Variants in EML6 observed in about 807,000 individuals in gnomAD.
EML6 encodes the protein echinoderm microtubule-associated protein-like 6.
EML6 carries 154 observed loss-of-function variants against 240.1 expected under a neutral mutation model. The ratio of observed to expected loss-of-function variants is 0.64; its 90% CI spans 0.56 to 0.73. EML6 has a LOEUF of 0.73. Ranked by LOEUF, EML6 falls within the 30% of genes least tolerant of loss-of-function variation. The pLI, the probability that EML6 is intolerant of heterozygous loss-of-function variation, is 0.00. For synonymous variants in EML6, 1,148 were observed against 899.0 expected (o/e 1.28, Z -4.95); for missense variants, 2,964 against 2,474.6 (o/e 1.20, Z -4.20).
At chr2:54,858,895 A>C (rs750612046) in intron 11 of EML6, among the ~76,000 whole-genome samples, 1 of 152,180 alleles carries the variant, frequency 6.6e-6, no homozygotes, top group Non-Finnish European at 1.5e-5. Flanking sequence ...GAAATCTACC[A>C]TGGACTTTGG....
At chr2:54,897,113 G>A (rs568421610) in intron 21 of EML6, among the ~76,000 whole-genome samples, 1 of 152,046 alleles carries the variant, frequency 6.6e-6, no homozygotes, top group South Asian at 2.1e-4. Flanking sequence ...ATCTCCAAAT[G>A]TTTGAGAATG....
intron 14 of EML6, chr2:54,868,623 A>T: frequency 6.6e-6 from 1 of 152,290 alleles, no homozygotes; most frequent in Non-Finnish European, 1.5e-5. Context: ...TTCAGCTGGT[A>T]ATTCCATTAA....
At chr2:54,796,930 C>G (rs1028891435) in intron 2 of EML6, among the ~76,000 whole-genome samples, 3 of 151,650 alleles carry the variant, frequency 2.0e-5, no homozygotes, top group Non-Finnish European at 4.4e-5. Context: ...TTTGAGAGGC[C>G]GAGGTGGGCA....
chr2:54,963,191 C>T (rs1311200295), intron 36 of EML6, among the ~76,000 whole-genome samples: 1 of 152,184 alleles, frequency 6.6e-6, no homozygotes, highest in Non-Finnish European at 1.5e-5. Flanking sequence ...AGTGTTAAAA[C>T]AAGTACTCAA....
intron 21 of EML6, among the ~76,000 whole-genome samples, chr2:54,899,347 A>G (rs1436445816): frequency 2.0e-5 from 3 of 152,220 alleles, no homozygotes; most frequent in Non-Finnish European, 4.4e-5. Flanking sequence ...ATTTACCTGG[A>G]TGTTTCTAAA....
intron 2 of EML6, among the ~76,000 whole-genome samples, chr2:54,795,225 G>A (rs1409059774): frequency 2.6e-5 from 4 of 152,252 alleles, no homozygotes; most frequent in Admixed American, 1.3e-4. Context: ...GCATGGGTGG[G>A]GAGGCCTCAG....
intron 2 of EML6, among the ~76,000 whole-genome samples, chr2:54,785,994 G>C (rs373473709): frequency 3.9e-5 from 6 of 152,118 alleles, no homozygotes; most frequent in African/African-American, 4.8e-5. Flanking sequence ...GTTATGGCCA[G>C]GAGGAAGTGG....
In EML6 at chr2:54,863,803, A is replaced by G; in HGVS notation, c.1846A>G (p.Ser616Gly). The change falls in exon 13 of 42, where the codon AGT becomes GGT. Residue 616 changes from serine (S) to glycine (G), a missense_variant. Coordinates refer to ENST00000356458, the MANE Select transcript of EML6 (RefSeq NM_001039753.4). The part of the protein sequence containing the change: ...APQEGGADSY[S>G]EESDSDLSDV... The stretch of plus-strand genomic sequence containing the variant: ...TGCAGAAGGTGGAGCTGATTCCTAC[A>G]GTGAAGAATCTGATTCAGATTTATC... 1.9e-6 allele frequency: 3 copies of G among 1,546,196 alleles called. No individual in the cohort carries two copies. Among genetic ancestry groups the G allele is most frequent in the South Asian group, 2.4e-5 (2 of 83,252 alleles).
At chr2:54,807,866 C>G (rs1670580134) in intron 2 of EML6, among the ~76,000 whole-genome samples, 1 of 152,222 alleles carries the variant, frequency 6.6e-6, no homozygotes, top group Non-Finnish European at 1.5e-5. Context: ...AATCATGCCA[C>G]TGTATGGCTG....
At chr2:54,917,963 G>C (rs1674017946) in intron 26 of EML6, among the ~76,000 whole-genome samples, 2 of 152,164 alleles carry the variant, frequency 1.3e-5, no homozygotes, top group South Asian at 2.1e-4. Context: ...TCTTGGTTTT[G>C]AGTTTTACAC....
In EML6 at chr2:54,916,764, G is replaced by A; in HGVS notation, c.3504G>A (p.Glu1168=). 6.7e-7 allele frequency: 1 copy of A among 1,489,726 alleles called. No individual in the cohort carries two copies. Among genetic ancestry groups the A allele is most frequent in the South Asian group, 1.3e-5 (1 of 75,552 alleles). 92.3% of individuals were successfully genotyped at this position (1,489,726 alleles called of 1,614,324 possible). A position where few individuals can be genotyped will look rare whatever the true frequency, so the allele number is the denominator to read the frequency against. ...KRHIIRPSEI[E]KIEWDTWTCV... is the part of the protein sequence containing the mutation. ...TCTCTTTCGTTCTTTTTCAGATCGA[G>A]AAGATAGAGTGGGACACATGGACCT... Residue 1168 remains glutamate (E), a synonymous_variant, in exon 26 of 42, where the codon GAG becomes GAA. Transcript: ENST00000356458.
At chr2:54,897,309 A>G (rs974698316) in intron 21 of EML6, among the ~76,000 whole-genome samples, 3 of 152,190 alleles carry the variant, frequency 2.0e-5, no homozygotes, top group African/African-American at 4.8e-5. Flanking sequence ...CTACAATTCT[A>G]TTCTTTCCTA....
chr2:54,798,021 A>G (rs1344889906), intron 2 of EML6, among the ~76,000 whole-genome samples: 2 of 152,156 alleles, frequency 1.3e-5, no homozygotes, highest in Non-Finnish European at 2.9e-5. Context: ...CAGTTTGTCA[A>G]TTTCTATAAA....
chr2:54,961,439 G>C (rs907786459), intron 35 of EML6, among the ~76,000 whole-genome samples: 1 of 151,266 alleles, frequency 6.6e-6, no homozygotes, highest in South Asian at 2.1e-4. Context: ...CACCCACCAC[G>C]GCCTCCCAAA....
chr2:54,960,370 G>T, intron 35 of EML6, 36 bp downstream of exon 35: 2 of 1,472,512 alleles, frequency 1.4e-6, no homozygotes, highest in African/African-American at 1.4e-5. Context: ...GCTGGGCCAG[G>T]GAAGGGGGAA....
intron 17 of EML6, among the ~76,000 whole-genome samples, chr2:54,886,425 C>T (rs1558650745): frequency 6.6e-6 from 1 of 152,142 alleles, no homozygotes; most frequent in Admixed American, 6.5e-5. Flanking sequence ...CCACCTCAGC[C>T]CCCCAGAGTG....
In EML6 at chr2:54,950,774, C is replaced by G. The variant is rs1285293249; in HGVS notation, c.4208C>G (p.Ser1403Cys). 2.6e-6 allele frequency: 4 copies of G among 1,550,260 alleles called. No homozygotes were observed. The East Asian group carries it at 7.3e-5, about 28-fold the overall frequency. ...TAAAGIVQNLSTGSQSFYLEH... is the reference protein window; with the variant it reads ...TAAAGIVQNLCTGSQSFYLEH... ...GCGGCTGGCATCGTTCAGAACCTCT[C>G]CACAGGTAACCGGGGGTTAAAAAAT... The change falls in exon 30 of 42, where the codon TCC becomes TGC. Residue 1403 changes from serine (S) to cysteine (C), a missense_variant. Transcript: ENST00000356458.
At chr2:54,755,912 C>T (rs1187437656) in intron 2 of EML6, among the ~76,000 whole-genome samples, 1 of 151,964 alleles carries the variant, frequency 6.6e-6, no homozygotes, top group Non-Finnish European at 1.5e-5. Context: ...CCGCTGTTTT[C>T]TGCTTGGCTA....
At position 54,903,112 on chromosome 2, in the gene EML6, C is replaced by A. The variant is rs921672741; in HGVS notation, c.3193C>A (p.Leu1065Met). The A allele has an allele frequency of 6.4e-7, 1 of 1,551,754 alleles. No individual in the cohort carries two copies. The highest frequency in any genetic ancestry group is 1.4e-5 in the African/African-American group (1 of 73,154). Residue 1065 changes from leucine to methionine, a missense_variant, in exon 23 of 42, where the codon CTG (leucine) becomes ATG (methionine). Leu to Met is a conservative substitution (Grantham distance 15). Coordinates refer to ENST00000356458, the MANE Select transcript of EML6 (RefSeq NM_001039753.4). Reference sequence around the variant, plus strand: ...GGTTGGCTTGAACGATGGGAGTTTCCTGGTGGTAAATGCTGACACTGTTGA... The same window carrying A: ...GGTTGGCTTGAACGATGGGAGTTTCATGGTGGTAAATGCTGACACTGTTGA... ...LAVGLNDGSF[L>M]VVNADTVEDM... is the part of the protein sequence containing the mutation.
Sources: gnomAD v4.1 joint callset for allele counts (sites outside exome capture counted in the v4.1 genomes callset) on GRCh38, gnomAD v4.1.1 for gene constraint, MANE v1.5 for transcripts, NCBI Gene and HGNC (gene_info 2026-07-23, HGNC 2026-07-21) for gene names.